Variants in SLIT3 observed in about 807,000 individuals in gnomAD.
SLIT3 encodes the protein slit guidance ligand 3.
A neutral mutation model predicts 184.0 loss-of-function variants in SLIT3; 68 were observed. That is an observed-to-expected ratio of 0.37 (90% CI 0.30 to 0.45). The LOEUF (loss-of-function observed/expected upper bound fraction) is 0.45, where lower values mean the gene tolerates loss of function less well. SLIT3 is among the 20% of genes least tolerant of loss of function. The pLI is 1.00. For missense variants in SLIT3, 1,707 were observed against 2,026.0 expected (o/e 0.84, Z 3.02); for synonymous variants, 831 against 828.6 (o/e 1.00, Z -0.05).
chr5:168,735,661 TACAC>T (rs150528782), intron 20 of SLIT3, among the ~76,000 whole-genome samples: 10,305 of 142,006 alleles, frequency 0.073, 629 homozygotes, highest in African/African-American at 0.18. Flanking sequence ...GACAGATAGA[TACAC>T]ACACACACAC....
At chr5:169,081,109 C>A (rs1759023576) in intron 4 of SLIT3, among the ~76,000 whole-genome samples, 1 of 152,200 alleles carries the variant, frequency 6.6e-6, no homozygotes, top group African/African-American at 2.4e-5. Flanking sequence ...GGAGCCAACT[C>A]TGCACAATCA....
In SLIT3 at chr5:168,664,300, C is replaced by G. The variant is rs919094276; in HGVS notation, c.*2154G>C. ...GACTGAGGCAGGAAGATGGCTTGAG[C>G]CTAGGAGGTTGAGGCTGCGGTGAGC... On this transcript the variant is annotated 3_prime_UTR_variant, in exon 36 of 36. Transcript: ENST00000519560. 2 of 152,098 alleles carry G rather than the reference C, an allele frequency of 1.3e-5. No individual in the cohort carries two copies. The highest frequency in any genetic ancestry group is 4.8e-5 in the African/African-American group (2 of 41,400). The allele number at this position is 152,098 out of a possible 1,614,324, so 9.4% of individuals were successfully genotyped here.
intron 3 of SLIT3, among the ~76,000 whole-genome samples, chr5:169,239,081 T>C (rs1404693636): frequency 6.6e-6 from 1 of 152,186 alleles, no homozygotes; most frequent in Non-Finnish European, 1.5e-5. Context: ...ATAATTTTAT[T>C]GTAGATGTTG....
At chr5:169,157,044 C>CA (rs1274118714) in intron 4 of SLIT3, among the ~76,000 whole-genome samples, 1 of 152,100 alleles carries the variant, frequency 6.6e-6, no homozygotes, top group Non-Finnish European at 1.5e-5. Flanking sequence ...TGGCCCCCCC[C>CA]ACCTCCACCA....
At chr5:169,131,926 T>G (rs1761312624) in intron 4 of SLIT3, among the ~76,000 whole-genome samples, 1 of 152,152 alleles carries the variant, frequency 6.6e-6, no homozygotes, top group Non-Finnish European at 1.5e-5. Context: ...AAGTATCACT[T>G]TTGTGTAGCA....
intron 28 of SLIT3, among the ~76,000 whole-genome samples, chr5:168,693,290 G>C (rs1412579929): frequency 1.3e-5 from 2 of 152,184 alleles, no homozygotes; most frequent in Admixed American, 1.3e-4. Context: ...CACAGACAAG[G>C]CTTAGCAGCC....
At chr5:169,219,961 T>C (rs1376888669) in intron 3 of SLIT3, among the ~76,000 whole-genome samples, 2 of 152,198 alleles carry the variant, frequency 1.3e-5, no homozygotes, top group African/African-American at 4.8e-5. Context: ...CAGACATGGA[T>C]ACCGTGATTC....
intron 3 of SLIT3, among the ~76,000 whole-genome samples, chr5:169,212,704 T>A (rs1190999496): frequency 1.3e-5 from 2 of 152,236 alleles, no homozygotes; most frequent in Non-Finnish European, 2.9e-5. Context: ...CATGCCTATG[T>A]CCTGAATCAT....
At chr5:169,212,754 T>C (rs1764308846) in intron 3 of SLIT3, among the ~76,000 whole-genome samples, 1 of 152,216 alleles carries the variant, frequency 6.6e-6, no homozygotes, top group African/African-American at 2.4e-5. Context: ...TGGTTTTAGG[T>C]CTAATGTTTA....
rs546733526 is a variant in SLIT3 at position 169,229,139 on chromosome 5, C to T, written c.341+15566G>A. Among the ~76,000 whole-genome samples, 6 of 152,120 alleles carry T rather than the reference C, an allele frequency of 3.9e-5. No homozygotes were observed. In the South Asian group the frequency reaches 1.2e-3, roughly 32 times the overall value. On this transcript the variant is annotated intron_variant, in intron 3 of 35. Coordinates refer to ENST00000519560, the MANE Select transcript of SLIT3 (RefSeq NM_003062.4). ...GACATAAGCATTTTGAGATTCAAAA[C>T]TTGGCTGACATATACCCAGGCTCAC...
intron 4 of SLIT3, among the ~76,000 whole-genome samples, chr5:169,113,527 A>G (rs577100753): frequency 6.6e-5 from 10 of 152,258 alleles, no homozygotes; most frequent in Admixed American, 2.6e-4. Flanking sequence ...TGTACAAATG[A>G]TGAATATGGG....
At chr5:169,204,364 GA>G (rs1763995972) in intron 3 of SLIT3, among the ~76,000 whole-genome samples, 2 of 152,166 alleles carry the variant, frequency 1.3e-5, no homozygotes, top group South Asian at 4.1e-4. Context: ...AAGAGTGGGG[GA>G]AAATAAAAAG....
At chr5:169,128,175 G>C (rs1761151205) in intron 4 of SLIT3, among the ~76,000 whole-genome samples, 1 of 150,228 alleles carries the variant, frequency 6.7e-6, no homozygotes, top group Admixed American at 6.6e-5. Context: ...AGCATAAATA[G>C]AAGAAAATAG....
chr5:168,897,982 G>C (rs1210181094), intron 4 of SLIT3, among the ~76,000 whole-genome samples: 1 of 152,194 alleles, frequency 6.6e-6, no homozygotes, highest in Non-Finnish European at 1.5e-5. Flanking sequence ...ATCTCCAGCA[G>C]CTCCAGTCCT....
chr5:168,721,923 A>G (rs1040225602), intron 23 of SLIT3, among the ~76,000 whole-genome samples: 1 of 152,158 alleles, frequency 6.6e-6, no homozygotes, highest in Non-Finnish European at 1.5e-5. Context: ...ACCACACACT[A>G]TGCTCAATAC....
At chr5:169,295,336 A>G (rs145506583) in intron 1 of SLIT3, among the ~76,000 whole-genome samples, 200 of 152,330 alleles carry the variant, frequency 1.3e-3, no homozygotes, top group African/African-American at 4.6e-3. Flanking sequence ...CATCATACAT[A>G]TTTTACAGTT....
intron 4 of SLIT3, among the ~76,000 whole-genome samples, chr5:168,906,930 G>A (rs916027640): frequency 1.2e-4 from 18 of 151,554 alleles, no homozygotes; most frequent in African/African-American, 4.1e-4. Context: ...GTGTGATCTC[G>A]GGTCACTGCA....
At chr5:169,046,898 G>A (rs999215864) in intron 4 of SLIT3, among the ~76,000 whole-genome samples, 1 of 152,126 alleles carries the variant, frequency 6.6e-6, no homozygotes, top group Non-Finnish European at 1.5e-5. Flanking sequence ...TCAGCAGCTG[G>A]GTGCCTGTAT....
chr5:168,785,366 C>G (rs537349207), intron 12 of SLIT3, among the ~76,000 whole-genome samples: 1 of 152,194 alleles, frequency 6.6e-6, no homozygotes, highest in African/African-American at 2.4e-5. Context: ...GCTTAAAATT[C>G]GAAGCAACAA....
Sources: allele counts gnomAD v4.1 joint callset (sites outside exome capture counted in the v4.1 genomes callset), GRCh38; gene constraint gnomAD v4.1.1; transcripts MANE v1.5; gene names NCBI Gene and HGNC (gene_info 2026-07-23, HGNC 2026-07-21).